PAN3: variants seen among roughly 807,000 people sequenced by gnomAD.
PAN3 encodes PAN2-PAN3 deadenylation complex subunit PAN3.
PAN3 carries 19 observed loss-of-function variants against 96.2 expected under a neutral mutation model. The observed-to-expected ratio is 0.20, with a 90% CI of 0.14 to 0.29. The LOEUF (loss-of-function observed/expected upper bound fraction) is 0.29, where lower values mean the gene tolerates loss of function less well. PAN3 is among the 10% of genes least tolerant of loss of function. PAN3 has a pLI of 1.00. For missense variants in PAN3, 882 were observed against 1,108.1 expected (o/e 0.80, Z 2.90); for synonymous variants, 433 against 406.6 (o/e 1.06, Z -0.78).
chr13:28,138,968 C>T lies in PAN3; in HGVS notation c.311C>T (p.Ala104Val). Reference protein sequence around the residue: ...PVAGFPPGAVAGGGAGPPPGP... With the variant: ...PVAGFPPGAVVGGGAGPPPGP... ...GCCGGCTTTCCGCCGGGAGCCGTCGCGGGCGGGGGAGCTGGGCCGCCCCCC... is the reference window on the plus strand; with the variant it reads ...GCCGGCTTTCCGCCGGGAGCCGTCGTGGGCGGGGGAGCTGGGCCGCCCCCC... The change falls in exon 1 of 19, where the codon GCG becomes GTG. Residue 104 changes from alanine to valine, a missense_variant. Physicochemically the swap from Ala to Val is moderately conservative, Grantham distance 64. Coordinates refer to ENST00000380958, the MANE Select transcript of PAN3 (RefSeq NM_175854.8). 1 of 1,283,408 alleles carries T rather than the reference C, an allele frequency of 7.8e-7. No individual in the cohort carries two copies. Among genetic ancestry groups the T allele is most frequent in the Non-Finnish European group, 9.8e-7 (1 of 1,015,668 alleles). The allele number at this position is 1,283,408 out of a possible 1,614,324, so 79.5% of individuals were successfully genotyped here.
At chr13:28,143,712 A>G (rs1455895046) in intron 1 of PAN3, among the ~76,000 whole-genome samples, 2 of 152,214 alleles carry the variant, frequency 1.3e-5, no homozygotes, top group Non-Finnish European at 2.9e-5. Flanking sequence ...TTAATAATCT[A>G]TAGTTAACCT....
At chr13:28,273,275 C>T (rs188804644) in intron 14 of PAN3, among the ~76,000 whole-genome samples, 3 of 152,098 alleles carry the variant, frequency 2.0e-5, no homozygotes, top group African/African-American at 4.8e-5. Context: ...GATAAAGTAT[C>T]GAAGAATAAG....
chr13:28,182,590 G>C (rs777959997), intron 4 of PAN3, among the ~76,000 whole-genome samples: 6 of 152,110 alleles, frequency 3.9e-5, no homozygotes, highest in Non-Finnish European at 7.4e-5. Context: ...GACTTTTGAA[G>C]TATCATGTTT....
At chr13:28,192,855 T>C (rs1370159520) in intron 4 of PAN3, among the ~76,000 whole-genome samples, 3 of 152,256 alleles carry the variant, frequency 2.0e-5, no homozygotes, top group Non-Finnish European at 4.4e-5. Flanking sequence ...ATTTACATTC[T>C]ATGCAATAAA....
chr13:28,235,855 G>T (rs542577063), intron 6 of PAN3, among the ~76,000 whole-genome samples: 37 of 151,562 alleles, frequency 2.4e-4, no homozygotes, highest in Non-Finnish European at 4.6e-4. Flanking sequence ...AGGACTAGAG[G>T]CACTCACCAC....
At chr13:28,173,016 G>T (rs1039946312) in intron 1 of PAN3, among the ~76,000 whole-genome samples, 6 of 152,182 alleles carry the variant, frequency 3.9e-5, no homozygotes, top group Non-Finnish European at 7.3e-5. Context: ...AAAATGGGGG[G>T]ACAGGGAGTG....
intron 5 of PAN3, among the ~76,000 whole-genome samples, chr13:28,217,246 G>A (rs73158107): frequency 2.8e-4 from 42 of 152,076 alleles, no homozygotes; most frequent in Admixed American, 1.1e-3. Context: ...TCATTTTGGA[G>A]AACTCACTAT....
chr13:28,215,776 G>A lies in PAN3; in HGVS notation c.853-4455G>A, dbSNP rs1049457854. The A allele has an allele frequency of 4.2e-5, 61 of 1,443,920 alleles. No individual in the cohort carries two copies. In the African/African-American group the frequency reaches 8.1e-4, roughly 19 times the overall value. 89.4% of individuals were successfully genotyped at this position (1,443,920 alleles called of 1,614,324 possible). ...TTCTCAGACCATCCTCTTCTGAGTT[G>A]TTTTGCTGTTGGTGATGTGAGACAG... On this transcript the variant is annotated intron_variant, in intron 5 of 18. Transcript: ENST00000380958.
At chr13:28,139,135 TG>T in intron 1 of PAN3, 48 bp downstream of exon 1, 1 of 1,265,564 alleles carries the variant, frequency 7.9e-7, no homozygotes, top group Non-Finnish European at 9.9e-7. Context: ...AGGGCAGGCC[TG>T]GGCCGGATGA....
intron 9 of PAN3, 25 bp from the exon 10 acceptor site, chr13:28,266,690 G>A (rs1291463005): frequency 5.3e-6 from 8 of 1,504,978 alleles, no homozygotes; most frequent in Non-Finnish European, 8.9e-7. Flanking sequence ...GTATTTTCAA[G>A]TCATCTTCTT....
chr13:28,215,063 C>T, intron 5 of PAN3: 1 of 1,000,092 alleles, frequency 1.0e-6, no homozygotes, highest in Admixed American at 1.7e-5. Flanking sequence ...AAATTGGCTA[C>T]AATCCTGACA....
At chr13:28,255,564 TC>T (rs1432369979) in intron 6 of PAN3, among the ~76,000 whole-genome samples, 1 of 152,116 alleles carries the variant, frequency 6.6e-6, no homozygotes. Context: ...TTGTGGTTGT[TC>T]CACTGGAACA....
At chr13:28,274,427 A>T (rs1030948974) in intron 14 of PAN3, among the ~76,000 whole-genome samples, 2 of 152,224 alleles carry the variant, frequency 1.3e-5, no homozygotes, top group Admixed American at 6.5e-5. Flanking sequence ...TTTTGAAGGA[A>T]AATTACACAT....
chr13:28,215,011 G>C, intron 5 of PAN3: 1 of 1,249,610 alleles, frequency 8.0e-7, no homozygotes, highest in Non-Finnish European at 1.2e-6. Flanking sequence ...AGCCAGAAGA[G>C]ATATGAGGAA....
intron 1 of PAN3, among the ~76,000 whole-genome samples, chr13:28,143,756 C>T (rs1870185869): frequency 6.6e-6 from 1 of 152,152 alleles, no homozygotes; most frequent in African/African-American, 2.4e-5. Flanking sequence ...TGAGGGCATA[C>T]ATTGAAGACT....
intron 1 of PAN3, among the ~76,000 whole-genome samples, chr13:28,162,673 A>G (rs2138036552): frequency 6.6e-6 from 1 of 151,912 alleles, no homozygotes; most frequent in South Asian, 2.1e-4. Context: ...TTAATTGAAA[A>G]TAAAAGTTTG....
intron 1 of PAN3, among the ~76,000 whole-genome samples, chr13:28,171,355 T>C (rs1874284148): frequency 6.6e-6 from 1 of 152,208 alleles, no homozygotes; most frequent in Non-Finnish European, 1.5e-5. Context: ...TCCAATTCTC[T>C]GGTTACCACA....
At chr13:28,250,810 G>T (rs11841998) in intron 6 of PAN3, among the ~76,000 whole-genome samples, 1,723 of 152,316 alleles carry the variant, frequency 0.011, 33 homozygotes, top group African/African-American at 0.039. Flanking sequence ...AGCCTCTGCT[G>T]AGAACTCTTA....
chr13:28,176,196 AC>A (rs1874958729), intron 2 of PAN3, among the ~76,000 whole-genome samples: 1 of 152,202 alleles, frequency 6.6e-6, no homozygotes, highest in African/African-American at 2.4e-5. Context: ...TTTATGTTTT[AC>A]AGACAAGGAA....
Sources: gnomAD v4.1 joint callset for allele counts (sites outside exome capture counted in the v4.1 genomes callset) on GRCh38, gnomAD v4.1.1 for gene constraint, MANE v1.5 for transcripts, NCBI Gene and HGNC (gene_info 2026-07-23, HGNC 2026-07-21) for gene names.